Variants in CEP128 observed in about 807,000 individuals in gnomAD.
CEP128 encodes the protein centrosomal protein 128kDa.
Under a neutral mutation model 156.7 loss-of-function variants are expected in CEP128, and 132 were observed. The ratio of observed to expected loss-of-function variants is 0.84; its 90% CI spans 0.73 to 0.97. The LOEUF (loss-of-function observed/expected upper bound fraction) is 0.97. Ranked by LOEUF, CEP128 falls within the 50% of genes least tolerant of loss-of-function variation. The probability of loss-of-function intolerance (pLI) is 0.00; values close to 1 mark genes in which losing one functional copy is unlikely to be tolerated. For synonymous variants in CEP128, 469 were observed against 448.9 expected, an observed-to-expected ratio of 1.04 and a Z score of -0.57; for missense variants, 1,252 against 1,281.9, an observed-to-expected ratio of 0.98 and a Z score of 0.36.
chr14:80,734,415 C>T (rs138509377), intron 19 of CEP128, among the ~76,000 whole-genome samples: 27 of 152,008 alleles, frequency 1.8e-4, no homozygotes, highest in African/African-American at 6.3e-4. Flanking sequence ...TGCATTATTG[C>T]TAAGAAATGA....
chr14:80,691,291 G>T (rs1896711033), intron 19 of CEP128, among the ~76,000 whole-genome samples: 1 of 152,120 alleles, frequency 6.6e-6, no homozygotes, highest in South Asian at 2.1e-4. Context: ...ATATTAATCA[G>T]AAGTCAATTA....
At chr14:80,757,008 T>C in intron 17 of CEP128, 57 bp from the exon 18 acceptor site, 3 of 1,154,312 alleles carry the variant, frequency 2.6e-6, no homozygotes, top group Non-Finnish European at 3.8e-6. Context: ...TAAACATATA[T>C]AAATGAAATT....
chr14:80,837,161 A>C (rs1886119466), intron 11 of CEP128, among the ~76,000 whole-genome samples: 1 of 152,230 alleles, frequency 6.6e-6, no homozygotes. Context: ...CAATTGTCAG[A>C]ATGTAATACT....
intron 19 of CEP128, among the ~76,000 whole-genome samples, chr14:80,741,204 T>C (rs1285921868): frequency 6.6e-6 from 1 of 152,206 alleles, no homozygotes; most frequent in Non-Finnish European, 1.5e-5. Flanking sequence ...TAGCATTTTG[T>C]ACAGCAAGAA....
At chr14:80,549,474 T>C (rs916039101) in intron 21 of CEP128, among the ~76,000 whole-genome samples, 9 of 152,306 alleles carry the variant, frequency 5.9e-5, no homozygotes, top group African/African-American at 2.2e-4. Context: ...GCAACTTCAA[T>C]GAGAGGCTCA....
At chr14:80,809,174 A>G (rs1255368248) in intron 13 of CEP128, among the ~76,000 whole-genome samples, 3 of 152,230 alleles carry the variant, frequency 2.0e-5, no homozygotes, top group Non-Finnish European at 4.4e-5. Context: ...TACAGATATC[A>G]TAAAAATGAA....
intron 21 of CEP128, among the ~76,000 whole-genome samples, chr14:80,557,430 T>C (rs907932995): frequency 2.0e-5 from 3 of 152,226 alleles, no homozygotes; most frequent in Non-Finnish European, 4.4e-5. Flanking sequence ...AGAAGTCATT[T>C]GCTAAATGTT....
chr14:80,530,463 C>T (rs1015208238), intron 22 of CEP128, among the ~76,000 whole-genome samples: 1 of 152,172 alleles, frequency 6.6e-6, no homozygotes, highest in Non-Finnish European at 1.5e-5. Flanking sequence ...AAATAATTCA[C>T]AAATTAAAAT....
chr14:80,618,982 C>T (rs1893347861), intron 19 of CEP128, among the ~76,000 whole-genome samples: 1 of 152,302 alleles, frequency 6.6e-6, no homozygotes, highest in South Asian at 2.1e-4. Flanking sequence ...ATTATCTTCC[C>T]TGATCCAGGG....
chr14:80,546,516 A>C (rs1009578137), intron 21 of CEP128, among the ~76,000 whole-genome samples: 2 of 152,230 alleles, frequency 1.3e-5, no homozygotes, highest in African/African-American at 2.4e-5. Context: ...ATGAGGTTTG[A>C]GTTAGAAATG....
intron 19 of CEP128, among the ~76,000 whole-genome samples, chr14:80,608,956 G>A (rs1892890565): frequency 1.3e-5 from 2 of 152,014 alleles, no homozygotes; most frequent in African/African-American, 4.8e-5. Flanking sequence ...ACAGTACCTG[G>A]AACCAGTAAA....
chr14:80,626,470 C>CAAAAAAAAAAAA (rs60238276), intron 19 of CEP128, among the ~76,000 whole-genome samples: 8 of 80,688 alleles, frequency 9.9e-5, no homozygotes, highest in African/African-American at 3.4e-4. Context: ...GACTCCGTCT[C>CAAAAAAAAAAAA]AAAAAAAAAA....
chr14:80,748,680 T>C (rs1338937084), intron 18 of CEP128, among the ~76,000 whole-genome samples: 1 of 152,148 alleles, frequency 6.6e-6, no homozygotes, highest in Non-Finnish European at 1.5e-5. Context: ...CTTACAAAAC[T>C]GTGAGACAGG....
intron 20 of CEP128, among the ~76,000 whole-genome samples, chr14:80,580,065 A>G (rs1891521944): frequency 6.6e-6 from 1 of 152,186 alleles, no homozygotes; most frequent in South Asian, 2.1e-4. Flanking sequence ...ATCTTCATTC[A>G]TCAGTCCTGT....
chr14:80,787,975 C>G (rs1901500243), intron 14 of CEP128, among the ~76,000 whole-genome samples: 1 of 152,140 alleles, frequency 6.6e-6, no homozygotes, highest in Non-Finnish European at 1.5e-5. Flanking sequence ...TTGCAGTGTT[C>G]CAAGCTTCAC....
rs372417122 is a variant in CEP128 at position 80,622,547 on chromosome 14, G to A, written c.2807-42124C>T. On this transcript the variant is annotated intron_variant, in intron 19 of 24. Transcript: ENST00000555265. ...ACCTACAGAATGGGAGAAAATTTTC[G>A]CAACCTACTCATCTGACAAAGGGCT... is the stretch of plus-strand genomic sequence containing the variant. 7.1e-3 allele frequency among the ~76,000 whole-genome samples: 1,073 copies of A among 150,094 alleles called. 11 individuals are homozygous for A. Among genetic ancestry groups the A allele is most frequent in the African/African-American group, 0.025 (1,019 of 40,704 alleles).
chr14:80,592,658 C>A (rs765059047), intron 19 of CEP128, among the ~76,000 whole-genome samples: 4 of 152,166 alleles, frequency 2.6e-5, no homozygotes, highest in Non-Finnish European at 4.4e-5. Flanking sequence ...ATGAGGCCAG[C>A]ACCATCCTGA....
In CEP128 at chr14:80,596,687, C is replaced by A. The variant is rs1188917007; in HGVS notation, c.2807-16264G>T. On this transcript the variant is annotated intron_variant, in intron 19 of 24. Coordinates refer to ENST00000555265, the MANE Select transcript of CEP128 (RefSeq NM_152446.5). ...GATTAGCTGGGTGTAGTGGCTTGCA[C>A]CTATAGTCCTAGCTACTTGGGAGGC... 2.0e-5 allele frequency among the ~76,000 whole-genome samples: 3 copies of A among 150,002 alleles called. No homozygotes were observed. The South Asian group carries it at 6.3e-4, about 32-fold the overall frequency.
chr14:80,504,876 C>T (rs779953795), intron 24 of CEP128, 36 bp downstream of exon 24: 2 of 1,123,658 alleles, frequency 1.8e-6, no homozygotes, highest in Non-Finnish European at 2.5e-6. Context: ...TTTCTTAAAT[C>T]TAATTTAAAA....
Sources: gnomAD v4.1 joint callset for allele counts (sites outside exome capture counted in the v4.1 genomes callset) on GRCh38, gnomAD v4.1.1 for gene constraint, MANE v1.5 for transcripts, NCBI Gene and HGNC (gene_info 2026-07-23, HGNC 2026-07-21) for gene names.